The following RTN4RL1 variants were observed in gnomAD, a reference collection of about 807,000 sequenced individuals.
The protein encoded by RTN4RL1 is reticulon-4 receptor-like 1.
RTN4RL1 carries 7 observed loss-of-function variants against 25.6 expected under a neutral mutation model. The observed-to-expected ratio is 0.27, with a 90% confidence interval of 0.16 to 0.51. The LOEUF (loss-of-function observed/expected upper bound fraction) is 0.51, where lower values mean the gene tolerates loss of function less well. RTN4RL1 is among the 20% of genes least tolerant of loss of function. RTN4RL1 has a pLI of 0.97. For synonymous variants in RTN4RL1, 297 were observed against 288.2 expected (o/e 1.03, Z -0.31); for missense variants, 500 against 615.6 (o/e 0.81, Z 1.99).
At chr17:1,987,048 G>A (rs1326325320) in intron 1 of RTN4RL1, among the ~76,000 whole-genome samples, 2 of 152,202 alleles carry the variant, frequency 1.3e-5, no homozygotes, top group South Asian at 4.1e-4. Context: ...TCTGAGTAAC[G>A]CAGGCAGGTG....
intron 1 of RTN4RL1, among the ~76,000 whole-genome samples, chr17:2,021,551 CTTTTTTT>C (rs767770637): frequency 1.9e-5 from 2 of 106,188 alleles, no homozygotes; most frequent in African/African-American, 3.6e-5. Flanking sequence ...CATCCTATAC[CTTTTTTT>C]TTTTTTTTTT....
At chr17:2,011,193 G>A (rs1360885054) in intron 1 of RTN4RL1, among the ~76,000 whole-genome samples, 10 of 152,182 alleles carry the variant, frequency 6.6e-5, no homozygotes, top group Non-Finnish European at 1.0e-4. Flanking sequence ...GGAGGTTGCT[G>A]TGAGCCAAGA....
At chr17:1,993,190 G>C (rs1156589744) in intron 1 of RTN4RL1, among the ~76,000 whole-genome samples, 2 of 152,188 alleles carry the variant, frequency 1.3e-5, no homozygotes, top group Non-Finnish European at 2.9e-5. Context: ...GGAGGTTGCA[G>C]AGAGCTGAGA....
At position 1,998,381 on chromosome 17, in the gene RTN4RL1, C is replaced by A. The variant is rs894807711; in HGVS notation, c.13+26472G>T. 6.6e-6 allele frequency among the ~76,000 whole-genome samples: 1 copy of A among 152,118 alleles called. No homozygotes were observed. The highest frequency in any genetic ancestry group is 1.5e-5 in the Non-Finnish European group (1 of 67,942). On this transcript the variant is annotated intron_variant, in intron 1 of 1. Transcript: ENST00000331238. The surrounding 1 kb of genome is among the most constrained non-coding windows in gnomAD (Gnocchi z 4.9). ...GAGCCGGGGGCCCGCGCTGAGAGATCGGGGTTACCGCGCGGGGAGCCGCGG... is the reference window on the plus strand; with the variant it reads ...GAGCCGGGGGCCCGCGCTGAGAGATAGGGGTTACCGCGCGGGGAGCCGCGG...
chr17:1,971,804 T>C (rs1489927899), intron 1 of RTN4RL1, among the ~76,000 whole-genome samples: 1 of 151,424 alleles, frequency 6.6e-6, no homozygotes, highest in Non-Finnish European at 1.5e-5. Flanking sequence ...CTACTAAAAA[T>C]ACAAAACATT....
chr17:1,966,183 C>A (rs556045628), intron 1 of RTN4RL1, among the ~76,000 whole-genome samples: 3 of 152,170 alleles, frequency 2.0e-5, no homozygotes, highest in African/African-American at 4.8e-5. Context: ...TCCAACTCGA[C>A]GTGGTACAGT....
chr17:1,992,354 G>A (rs1329885419), intron 1 of RTN4RL1, among the ~76,000 whole-genome samples: 1 of 130,148 alleles, frequency 7.7e-6, no homozygotes, highest in Non-Finnish European at 1.6e-5. Flanking sequence ...GCGAGACTCT[G>A]TCTCAAAAAA....
rs550511689 is a variant in RTN4RL1, at chr17:2,024,916, G to C, written c.-51C>G. The C allele has an allele frequency of 2.6e-6, 4 of 1,552,736 alleles. No homozygotes were observed. Among genetic ancestry groups the C allele is most frequent in the African/African-American group, 1.4e-5 (1 of 72,220 alleles). ...GGTCGGCCTAGGCGCACTCCCTCCCGGGGTCCAGATTCAAATCCCTGGGCG... is the reference window on the plus strand; with the variant it reads ...GGTCGGCCTAGGCGCACTCCCTCCCCGGGTCCAGATTCAAATCCCTGGGCG... On this transcript the variant is annotated 5_prime_UTR_variant, in exon 1 of 2. Coordinates refer to ENST00000331238, the MANE Select transcript of RTN4RL1 (RefSeq NM_178568.4).
At chr17:2,009,396 C>T (rs2151325530) in intron 1 of RTN4RL1, among the ~76,000 whole-genome samples, 1 of 151,318 alleles carries the variant, frequency 6.6e-6, no homozygotes, top group East Asian at 2.0e-4. Context: ...AGTTTGAGAC[C>T]AGCCTGGCCA....
intron 1 of RTN4RL1, among the ~76,000 whole-genome samples, chr17:1,966,325 C>G (rs529585629): frequency 6.6e-6 from 1 of 152,238 alleles, no homozygotes; most frequent in Non-Finnish European, 1.5e-5. Context: ...TGGGGCGAGG[C>G]CCCCTCTCCT....
At chr17:2,021,710 A>G (rs995752316) in intron 1 of RTN4RL1, among the ~76,000 whole-genome samples, 1 of 151,710 alleles carries the variant, frequency 6.6e-6, no homozygotes, top group African/African-American at 2.4e-5. Flanking sequence ...ATGAACCAGC[A>G]CGCCCGGCTA....
chr17:1,999,261 C>G (rs985874341), intron 1 of RTN4RL1, among the ~76,000 whole-genome samples: 1 of 151,824 alleles, frequency 6.6e-6, no homozygotes, highest in Non-Finnish European at 1.5e-5. Context: ...TCCTGGCCAA[C>G]ATGGTGAAAC....
rs1450999071 is a variant in RTN4RL1 at position 1,998,578 on chromosome 17, C to T, written c.13+26275G>A. Among the ~76,000 whole-genome samples the T allele has an allele frequency of 6.6e-6, 1 of 152,102 alleles. No individual in the cohort carries two copies. The highest frequency in any genetic ancestry group is 1.5e-5 in the Non-Finnish European group (1 of 68,008). ...CGGCGGCTTTCCTGCCCCCACTTTA[C>T]AGACGTGAACGCTGAGGCGGAGGGT... On this transcript the variant is annotated intron_variant, in intron 1 of 1. Coordinates refer to ENST00000331238, the MANE Select transcript of RTN4RL1 (RefSeq NM_178568.4). The surrounding 1 kb of genome is among the most constrained non-coding windows in gnomAD (Gnocchi z 4.9).
At chr17:2,004,239 G>A (rs1346985032) in intron 1 of RTN4RL1, among the ~76,000 whole-genome samples, 3 of 151,088 alleles carry the variant, frequency 2.0e-5, no homozygotes, top group Non-Finnish European at 4.4e-5. Flanking sequence ...GTGGTGGCGG[G>A]CGCCTGTAGT....
At chr17:2,004,323 G>A (rs1323912352) in intron 1 of RTN4RL1, among the ~76,000 whole-genome samples, 13 of 141,284 alleles carry the variant, frequency 9.2e-5, no homozygotes, top group Admixed American at 2.2e-4. Flanking sequence ...AGCCGAGATC[G>A]CGCCACTGCA....
intron 1 of RTN4RL1, among the ~76,000 whole-genome samples, chr17:1,967,725 C>T (rs559530453): frequency 3.4e-3 from 518 of 152,170 alleles, no homozygotes; most frequent in Non-Finnish European, 6.5e-3. Flanking sequence ...CTGCAACCTC[C>T]TCCTCCCAGG....
At position 2,025,201 on chromosome 17, in the gene RTN4RL1, T is replaced by G; in HGVS notation, c.-336A>C. On this transcript the variant is annotated 5_prime_UTR_variant, in exon 1 of 2. Transcript: ENST00000331238. This position sits in a 1 kb window ranked among gnomAD's most constrained non-coding sequence, Gnocchi z 4.8. ...GGTTTTGAGGGGGGACGCCGCCCCC[T>G]GGCCGGCCGGCCGCAGCCCCCTCCT... The G allele has an allele frequency of 1.9e-5, 4 of 212,350 alleles. No individual in the cohort carries two copies. The highest frequency in any genetic ancestry group is 9.6e-5 in the East Asian group (1 of 10,418). The allele number at this position is 212,350 out of a possible 1,614,324, so 13.2% of individuals were successfully genotyped here.
chr17:1,936,908 G>A lies in RTN4RL1; in HGVS notation c.914C>T (p.Thr305Met), dbSNP rs768388911. Residue 305 changes from threonine (T) to methionine (M), a missense_variant, in exon 2 of 2, where the codon ACG becomes ATG. Physicochemically the swap from Thr to Met is moderately conservative, Grantham distance 81. This residue lies in a region of RTN4RL1 where 268 missense variants were observed against 274.5 expected (regional missense o/e 0.98). Transcript: ENST00000331238. ...LLRAEDFRNC[T>M]GPASPHQIKS... is the part of the protein sequence containing the mutation. ...GATCTGGTGCGGGGACGCTGGTCCC[G>A]TGCAGTTCCGGAAGTCCTCGGCCCT... 6.8e-6 allele frequency: 11 copies of A among 1,609,762 alleles called. No individual in the cohort carries two copies. The highest frequency in any genetic ancestry group is 1.7e-5 in the Admixed American group (1 of 59,458).
In RTN4RL1 at chr17:1,982,023, G is replaced by A. The variant is rs138691586; in HGVS notation, c.13+42830C>T. On this transcript the variant is annotated intron_variant, in intron 1 of 1. Coordinates refer to ENST00000331238, the MANE Select transcript of RTN4RL1 (RefSeq NM_178568.4). ...GAGTATTTATGTATTGAAACTGGCC[G>A]GCACGGTGGCTCACGCCTGTAATCC... is the stretch of plus-strand genomic sequence containing the variant. Among the ~76,000 whole-genome samples, 227 of 152,316 alleles carry A rather than the reference G, an allele frequency of 1.5e-3. 5 individuals are homozygous for A. The South Asian group carries it at 0.031, about 21-fold the overall frequency.
Sources: gnomAD v4.1 joint callset for allele counts (sites outside exome capture counted in the v4.1 genomes callset) on GRCh38, gnomAD v4.1.1 for gene constraint, gnomAD v4.1.1 regional missense constraint, Gnocchi (gnomAD v3.1) non-coding constraint, MANE v1.5 for transcripts, NCBI Gene and HGNC (gene_info 2026-07-23, HGNC 2026-07-21) for gene names.